OTOA: variants seen among roughly 807,000 people sequenced by gnomAD.
OTOA encodes the protein otoancorin, also known as cancer/testis antigen 108.
In OTOA, 70 loss-of-function variants were observed where a neutral mutation model predicts 110.8. The observed-to-expected ratio is 0.63, with a 90% CI of 0.52 to 0.77. The LOEUF (loss-of-function observed/expected upper bound fraction) is 0.77. OTOA is among the 30% of genes least tolerant of loss of function. The pLI is 0.00. For synonymous variants in OTOA, 373 were observed against 431.5 expected, an observed-to-expected ratio of 0.86 and a Z score of 1.68; for missense variants, 917 against 1,075.8, an observed-to-expected ratio of 0.85 and a Z score of 2.06.
intron 1 of OTOA, 38 bp from the exon 2 acceptor site, chr16:21,678,469 TTAAA>T: frequency 1.0e-6 from 1 of 990,550 alleles, no homozygotes; most frequent in African/African-American, 1.6e-5. Context: ...TATATATATA[TTAAA>T]AAAACATGAA....
chr16:21,694,042 G>A (rs1473615601), intron 9 of OTOA, among the ~76,000 whole-genome samples: 3 of 152,174 alleles, frequency 2.0e-5, no homozygotes, highest in Admixed American at 2.0e-4. Context: ...GAATGAGCAT[G>A]CCTGTGTCCC....
chr16:21,681,586 A>G, intron 5 of OTOA, 152 bp from the exon 6 acceptor site: 2 of 673,196 alleles, frequency 3.0e-6, no homozygotes, highest in South Asian at 1.7e-5. Context: ...AGAAAAAAGG[A>G]AAGAAAAGAA....
intron 2 of OTOA, 147 bp from the exon 3 acceptor site, chr16:21,678,768 G>C: frequency 8.1e-7 from 1 of 1,232,712 alleles, no homozygotes; most frequent in Non-Finnish European, 1.2e-6. Context: ...TCAAGCCACG[G>C]TTTTCTCAGA....
intron 11 of OTOA, among the ~76,000 whole-genome samples, chr16:21,702,622 T>C (rs1385944383): frequency 6.6e-6 from 1 of 152,210 alleles, no homozygotes; most frequent in African/African-American, 2.4e-5. Context: ...AAGGTCTTTG[T>C]AGGGATTTGC....
At chr16:21,733,700 AAAGTCCCCT>A in intron 21 of OTOA, among the ~76,000 whole-genome samples, 1 of 150,990 alleles carries the variant, frequency 6.6e-6, no homozygotes, top group East Asian at 2.0e-4. Flanking sequence ...AAGGCAACCC[AAAGTCCCCT>A]AAGTCCCCTC....
chr16:21,744,280 C>T (rs1442879647), intron 23 of OTOA, among the ~76,000 whole-genome samples: 1 of 151,902 alleles, frequency 6.6e-6, no homozygotes, highest in Non-Finnish European at 1.5e-5. Flanking sequence ...GCTGGGATTA[C>T]AGATGTGCGC....
chr16:21,685,752 G>A (rs978981103), intron 7 of OTOA, among the ~76,000 whole-genome samples: 5 of 151,602 alleles, frequency 3.3e-5, no homozygotes, highest in East Asian at 3.9e-4. Flanking sequence ...TAGTAGAGAC[G>A]AGATTTTGCC....
intron 24 of OTOA, among the ~76,000 whole-genome samples, chr16:21,751,405 A>G (rs1406103868): frequency 3.0e-5 from 1 of 33,676 alleles, no homozygotes; most frequent in Non-Finnish European, 7.1e-5. Flanking sequence ...TGCACCTGTA[A>G]TTCTAGCTAC....
At chr16:21,676,678 C>A (rs1966858440) in intron 1 of OTOA, among the ~76,000 whole-genome samples, 1 of 152,218 alleles carries the variant, frequency 6.6e-6, no homozygotes, top group Non-Finnish European at 1.5e-5. Flanking sequence ...GACCCTTCTT[C>A]AGATCTCCAG....
At chr16:21,687,938 A>G (rs1259854137) in intron 8 of OTOA, among the ~76,000 whole-genome samples, 1 of 151,916 alleles carries the variant, frequency 6.6e-6, no homozygotes, top group African/African-American at 2.4e-5. Flanking sequence ...TGCTTGGATT[A>G]CGGGCATGAG....
At chr16:21,676,886 C>T (rs146232159) in intron 1 of OTOA, among the ~76,000 whole-genome samples, 14 of 152,276 alleles carry the variant, frequency 9.2e-5, no homozygotes, top group Non-Finnish European at 1.9e-4. Context: ...GCTTGTTTGC[C>T]TTCCTTGCTC....
chr16:21,758,986 A>G (rs1250983414), intron 28 of OTOA, among the ~76,000 whole-genome samples: 1 of 151,894 alleles, frequency 6.6e-6, no homozygotes, highest in Non-Finnish European at 1.5e-5. Context: ...TGGGCAAAAG[A>G]GCAAAACTCC....
chr16:21,677,478 T>TA (rs1312603741), intron 1 of OTOA, among the ~76,000 whole-genome samples: 3 of 144,564 alleles, frequency 2.1e-5, no homozygotes, highest in Non-Finnish European at 4.5e-5. Context: ...TAGCTTCATA[T>TA]CTTTTTTTTT....
chr16:21,716,309 C>A (rs905824019), intron 14 of OTOA, among the ~76,000 whole-genome samples: 1 of 152,064 alleles, frequency 6.6e-6, no homozygotes, highest in Admixed American at 6.6e-5. Context: ...AGGTGGCTCA[C>A]GCCTGTAATC....
At chr16:21,716,432 G>A (rs1898555914) in intron 14 of OTOA, among the ~76,000 whole-genome samples, 1 of 152,048 alleles carries the variant, frequency 6.6e-6, no homozygotes. Context: ...TTAGCCGGGT[G>A]TGGTAGTGCA....
At chr16:21,709,498 T>C (rs1898289874) in intron 12 of OTOA, among the ~76,000 whole-genome samples, 2 of 152,146 alleles carry the variant, frequency 1.3e-5, no homozygotes, top group Non-Finnish European at 2.9e-5. Flanking sequence ...CCCCTGGCTA[T>C]TTAATGAAAG....
At chr16:21,685,046 G>A (rs1477346501) in intron 6 of OTOA, among the ~76,000 whole-genome samples, 184 bp from the exon 7 acceptor site, 1 of 151,956 alleles carries the variant, frequency 6.6e-6, no homozygotes, top group Admixed American at 6.6e-5. Context: ...CACCGCGCCC[G>A]GCCCCTCATT....
intron 9 of OTOA, among the ~76,000 whole-genome samples, chr16:21,694,141 TAAAA>T (rs1183722630): frequency 6.6e-6 from 1 of 151,998 alleles, no homozygotes; most frequent in Non-Finnish European, 1.5e-5. Context: ...TTTCAGCTAT[TAAAA>T]AAGGTAAAAA....
chr16:21,685,706 G>C (rs1897699862), intron 7 of OTOA, among the ~76,000 whole-genome samples: 1 of 152,126 alleles, frequency 6.6e-6, no homozygotes. Flanking sequence ...GGGATTACAA[G>C]TGTGCACCAC....
Sources: allele counts gnomAD v4.1 joint callset (sites outside exome capture counted in the v4.1 genomes callset), GRCh38; gene constraint gnomAD v4.1.1; transcripts MANE v1.5; gene names NCBI Gene and HGNC (gene_info 2026-07-23, HGNC 2026-07-21).